The following HNRNPM variants were observed in gnomAD, a reference collection of about 807,000 sequenced individuals.
HNRNPM encodes the protein heterogeneous nuclear ribonucleoprotein M.
A neutral mutation model predicts 73.1 loss-of-function variants in HNRNPM; 11 were observed. The observed-to-expected ratio is 0.15, with a 90% confidence interval of 0.09 to 0.25. The LOEUF is 0.25. Among genes scored for constraint, HNRNPM ranks in the 10% least tolerant of loss-of-function variants. The pLI is 1.00. For synonymous variants in HNRNPM, 407 were observed against 355.2 expected (o/e 1.15, Z -1.64); for missense variants, 789 against 1,067.9 (o/e 0.74, Z 3.64).
At chr19:8,461,075 A>G (rs186980870) in intron 2 of HNRNPM, among the ~76,000 whole-genome samples, 3 of 152,294 alleles carry the variant, frequency 2.0e-5, no homozygotes, top group Admixed American at 2.0e-4. Context: ...CTGATCCCTC[A>G]TATTTCCGTT....
Position 8,445,018 on chromosome 19 carries a change from C to CGGCGGCGGAGGT in HNRNPM, c.28_39dup (p.Glu10_Ala13dup). ...GAGAAAATGGCGGCAGGGGTCGAAGCGGCGGCGGAGGTGGCGGCGACGGAG... is the reference window on the plus strand; with the variant it reads ...GAGAAAATGGCGGCAGGGGTCGAAGCGGCGGCGGAGGTGGCGGCGGAGGTGGCGGCGACGGAG... On this transcript the variant is annotated inframe_insertion, in exon 1 of 16. Coordinates refer to ENST00000325495, the MANE Select transcript of HNRNPM (RefSeq NM_005968.5). The CGGCGGCGGAGGT allele has an allele frequency of 1.4e-6, 2 of 1,424,056 alleles. No homozygotes were observed. Among genetic ancestry groups the CGGCGGCGGAGGT allele is most frequent in the Non-Finnish European group, 1.8e-6 (2 of 1,091,058 alleles). 88.2% of individuals were successfully genotyped at this position (1,424,056 alleles called of 1,614,324 possible). A position where few individuals can be genotyped will look rare whatever the true frequency, so the allele number is the denominator to read the frequency against.
At position 8,463,632 on chromosome 19, in the gene HNRNPM, T is replaced by A; in HGVS notation, c.384T>A (p.Ala128=). The A allele has an allele frequency of 4.3e-6, 7 of 1,614,098 alleles. No individual in the cohort carries two copies. Among genetic ancestry groups the A allele is most frequent in the Non-Finnish European group, 5.9e-6 (7 of 1,179,956 alleles). Residue 128 remains alanine, a synonymous_variant, in exon 5 of 16, where the codon GCT becomes GCA. Coordinates refer to ENST00000325495, the MANE Select transcript of HNRNPM (RefSeq NM_005968.5). Reference sequence around the variant, plus strand: ...AGATGGAAGAGAGCATGAAAAAAGCTGCGGAAGTCCTAAACAAGCATAGTC... The same window carrying A: ...AGATGGAAGAGAGCATGAAAAAAGCAGCGGAAGTCCTAAACAAGCATAGTC... The part of the protein sequence containing the change: ...EFKMEESMKK[A]AEVLNKHSLS...
intron 2 of HNRNPM, among the ~76,000 whole-genome samples, chr19:8,459,416 A>C (rs1159395889): frequency 6.6e-6 from 1 of 152,166 alleles, no homozygotes; most frequent in African/African-American, 2.4e-5. Context: ...GTAGGTGTGT[A>C]GAATAATTAT....
chr19:8,474,464 A>G (rs1970366600), intron 12 of HNRNPM, among the ~76,000 whole-genome samples: 1 of 152,128 alleles, frequency 6.6e-6, no homozygotes, highest in Admixed American at 6.6e-5. Flanking sequence ...TGTGTTCCCA[A>G]GCTCTGCAGT....
At chr19:8,477,660 CAAAAAAAAAAAAAAAAAAA>C (rs35193948) in intron 12 of HNRNPM, among the ~76,000 whole-genome samples, 24 of 117,062 alleles carry the variant, frequency 2.1e-4, no homozygotes, top group East Asian at 2.4e-4. Context: ...AACCCTGTCT[CAAAAAAAAAAAAAAAAAAA>C]AAAAAAAAAA....
chr19:8,487,448 C>T (rs915418068), intron 15 of HNRNPM: 6 of 258,240 alleles, frequency 2.3e-5, no homozygotes, highest in Non-Finnish European at 3.9e-5. Flanking sequence ...TGGTGTGGGG[C>T]CTCGGAGAGA....
chr19:8,455,587 G>C lies in HNRNPM; in HGVS notation c.283+13G>C. 6.2e-7 allele frequency: 1 copy of C among 1,605,424 alleles called. No homozygotes were observed. The highest frequency in any genetic ancestry group is 1.1e-5 in the South Asian group (1 of 90,754). ...GTTAAAGAAAAAGGTAATGGTACTG[G>C]TGATTGAGTAGGGTGAGAAGGTTGG... On this transcript the variant is annotated intron_variant, in intron 2 of 15. Coordinates refer to ENST00000325495, the MANE Select transcript of HNRNPM (RefSeq NM_005968.5).
At chr19:8,461,059 A>G (rs1969362426) in intron 2 of HNRNPM, among the ~76,000 whole-genome samples, 1 of 152,188 alleles carries the variant, frequency 6.6e-6, no homozygotes, top group Non-Finnish European at 1.5e-5. Context: ...CTAAAAGTAA[A>G]TTGTACTGAT....
intron 13 of HNRNPM, among the ~76,000 whole-genome samples, chr19:8,484,832 C>T (rs1971158773): frequency 6.6e-6 from 1 of 152,142 alleles, no homozygotes; most frequent in South Asian, 2.1e-4. Context: ...GGAGCCAGAC[C>T]CTGCTTTCCA....
chr19:8,445,255 G>C (rs914107033), intron 1 of HNRNPM, 144 bp downstream of exon 1: 1 of 710,698 alleles, frequency 1.4e-6, no homozygotes, highest in African/African-American at 1.9e-5. Flanking sequence ...CAGGGTAGCG[G>C]CGTCTAGGGC....
chr19:8,445,728 C>G (rs1460619417), intron 1 of HNRNPM: 1 of 152,626 alleles, frequency 6.6e-6, no homozygotes, highest in East Asian at 1.9e-4. Flanking sequence ...GCCCCACGCT[C>G]TGGCCCTGGC....
chr19:8,464,102 A>T (rs1037274646), intron 5 of HNRNPM, among the ~76,000 whole-genome samples: 2 of 152,014 alleles, frequency 1.3e-5, no homozygotes. Context: ...AAAATTAGCC[A>T]GGCATGGTGG....
At chr19:8,488,038 C>T (rs964042525) in intron 15 of HNRNPM, 6 of 125,890 alleles carry the variant, frequency 4.8e-5, no homozygotes, top group Non-Finnish European at 8.3e-5. Flanking sequence ...GCACGTGTCC[C>T]GCAATGCTCT....
chr19:8,477,144 G>A (rs557751289), intron 12 of HNRNPM, among the ~76,000 whole-genome samples: 2 of 152,256 alleles, frequency 1.3e-5, no homozygotes, highest in East Asian at 3.9e-4. Context: ...TTTCTAAGGA[G>A]TGAGATGATT....
At chr19:8,487,321 A>T (rs1971384682) in intron 15 of HNRNPM, 1 of 488,996 alleles carries the variant, frequency 2.0e-6, no homozygotes, top group African/African-American at 2.0e-5. Flanking sequence ...ACAAGGTAGT[A>T]GTGTCCCCAT....
rs1156348391 is a variant in HNRNPM, at chr19:8,463,524, T to G, written c.344+20T>G. The G allele has an allele frequency of 1.2e-6, 2 of 1,613,948 alleles. No individual in the cohort carries two copies. Among genetic ancestry groups the G allele is most frequent in the African/African-American group, 2.7e-5 (2 of 75,048 alleles). On this transcript the variant is annotated intron_variant, in intron 4 of 15. Transcript: ENST00000325495. ...ATGTGCGTAAGTATCGTCTAGTTACTTATTGGTATTTGAGCCTTCTAACTT... is the reference window on the plus strand; with the variant it reads ...ATGTGCGTAAGTATCGTCTAGTTACGTATTGGTATTTGAGCCTTCTAACTT...
At chr19:8,471,451 T>G (rs965464974) in intron 10 of HNRNPM, 24 bp downstream of exon 10, 1 of 1,431,784 alleles carries the variant, frequency 7.0e-7, no homozygotes, top group Non-Finnish European at 9.6e-7. Context: ...TGCACCTTGC[T>G]TGGTGGTTTG....
chr19:8,466,040 A>G (rs549674381), intron 6 of HNRNPM, among the ~76,000 whole-genome samples, 195 bp from the exon 7 acceptor site: 3 of 152,300 alleles, frequency 2.0e-5, no homozygotes, highest in African/African-American at 7.2e-5. Context: ...TATATTTACT[A>G]TAGGTACAGT....
chr19:8,467,458 A>G (rs1969833184), intron 7 of HNRNPM, 77 bp from the exon 8 acceptor site: 1 of 975,196 alleles, frequency 1.0e-6, no homozygotes, highest in East Asian at 2.4e-5. Context: ...TAGCAGTTGG[A>G]GTATTTTTCT....
Sources: gnomAD v4.1 joint callset for allele counts (sites outside exome capture counted in the v4.1 genomes callset) on GRCh38, gnomAD v4.1.1 for gene constraint, MANE v1.5 for transcripts, NCBI Gene and HGNC (gene_info 2026-07-23, HGNC 2026-07-21) for gene names.